The following DYSF variants were observed in gnomAD, a reference collection of about 807,000 sequenced individuals.
The protein encoded by DYSF is dysferlin.
Under a neutral mutation model 274.9 loss-of-function variants are expected in DYSF, and 212 were observed. The observed-to-expected ratio is 0.77, with a 90% confidence interval of 0.69 to 0.86. DYSF has a LOEUF of 0.86. Among genes scored for constraint, DYSF ranks in the 40% least tolerant of loss-of-function variants. The probability of loss-of-function intolerance (pLI) is 0.00; values close to 1 mark genes in which losing one functional copy is unlikely to be tolerated. For synonymous variants in DYSF, 1,091 were observed against 1,078.7 expected, an observed-to-expected ratio of 1.01 and a Z score of -0.22; for missense variants, 2,666 against 2,783.2, an observed-to-expected ratio of 0.96 and a Z score of 0.95.
At chr2:71,535,935 C>T (rs775961596) in intron 16 of DYSF, among the ~76,000 whole-genome samples, 25 of 152,272 alleles carry the variant, frequency 1.6e-4, no homozygotes, top group Middle Eastern at 6.8e-3. Context: ...ATCAACTCAC[C>T]GACATCAGTT....
chr2:71,579,672 C>G (rs1485937341), intron 30 of DYSF, among the ~76,000 whole-genome samples: 1 of 152,192 alleles, frequency 6.6e-6, no homozygotes, highest in Non-Finnish European at 1.5e-5. Flanking sequence ...GTTGGGGAGA[C>G]TGAGGCTCTA....
chr2:71,537,218 GTTTTGTTTTTTTT>G (rs1046686510), intron 16 of DYSF, among the ~76,000 whole-genome samples: 2 of 47,704 alleles, frequency 4.2e-5, no homozygotes, highest in African/African-American at 6.3e-5. Flanking sequence ...TTACTTTCTA[GTTTTGTTTTTTTT>G]TTTTTTTTTT....
intron 14 of DYSF, among the ~76,000 whole-genome samples, chr2:71,532,014 C>G (rs1053327650): frequency 6.6e-6 from 1 of 152,048 alleles, no homozygotes; most frequent in Non-Finnish European, 1.5e-5. Flanking sequence ...TCATGGTGAC[C>G]TTATAGATCA....
At chr2:71,504,985 T>C (rs1573577526) in intron 4 of DYSF, among the ~76,000 whole-genome samples, 1 of 152,140 alleles carries the variant, frequency 6.6e-6, no homozygotes, top group Admixed American at 6.5e-5. Context: ...ACCAACCGTG[T>C]CTCCAAAAAG....
At chr2:71,661,156 C>G (rs2094874273) in intron 45 of DYSF, among the ~76,000 whole-genome samples, 1 of 146,208 alleles carries the variant, frequency 6.8e-6, no homozygotes, top group African/African-American at 2.5e-5. Context: ...AAGTAGAAAT[C>G]TGTGTGTAAG....
intron 41 of DYSF, among the ~76,000 whole-genome samples, chr2:71,632,201 G>A (rs2094326427): frequency 1.3e-5 from 2 of 152,182 alleles, no homozygotes; most frequent in Admixed American, 1.3e-4. Flanking sequence ...CTTGGAAGTT[G>A]GTACAGCGCT....
At chr2:71,598,800 G>T in intron 33 of DYSF, 55 bp downstream of exon 33, 2 of 1,596,698 alleles carry the variant, frequency 1.3e-6, no homozygotes, top group Non-Finnish European at 8.5e-7. Flanking sequence ...CATGTGCAAA[G>T]GTGGGGTCTC....
chr2:71,574,077 G>A, intron 29 of DYSF, 121 bp from the exon 30 acceptor site: 2 of 1,261,200 alleles, frequency 1.6e-6, no homozygotes, highest in Non-Finnish European at 2.2e-6. Flanking sequence ...CACCTGGAGG[G>A]CACTAGTGTG....
chr2:71,681,365 A>T (rs1358928112), intron 54 of DYSF, among the ~76,000 whole-genome samples: 3 of 152,212 alleles, frequency 2.0e-5, no homozygotes, highest in Admixed American at 6.5e-5. Flanking sequence ...ATGCTATCCT[A>T]TGCATGTGTA....
At chr2:71,552,110 C>T (rs143650425) in intron 19 of DYSF, among the ~76,000 whole-genome samples, 1 of 152,292 alleles carries the variant, frequency 6.6e-6, no homozygotes, top group African/African-American at 2.4e-5. Context: ...GAGGTGGCTG[C>T]TGTTATTATT....
chr2:71,494,546 G>T (rs940201740), intron 3 of DYSF, among the ~76,000 whole-genome samples: 8 of 152,194 alleles, frequency 5.3e-5, no homozygotes, highest in Non-Finnish European at 7.3e-5. Context: ...GGTATGAGCT[G>T]ATTTTCATCT....
intron 41 of DYSF, among the ~76,000 whole-genome samples, chr2:71,636,160 G>A (rs1409380856): frequency 1.3e-5 from 2 of 152,156 alleles, no homozygotes; most frequent in African/African-American, 4.8e-5. Context: ...GTGAGGGCTC[G>A]ATCACAAGCG....
At position 71,468,609 on chromosome 2, in the gene DYSF, C is replaced by T. The variant is rs557212792; in HGVS notation, c.91+1676C>T. Among the ~76,000 whole-genome samples the T allele has an allele frequency of 7.2e-5, 11 of 152,252 alleles. No individual in the cohort carries two copies. In the East Asian group the frequency reaches 1.7e-3, roughly 24 times the overall value. Reference sequence around the variant, plus strand: ...TATTTATTTGCACTGATGATCTCCTCGGAAAACAGAAATACCATACAATAG... The same window carrying T: ...TATTTATTTGCACTGATGATCTCCTTGGAAAACAGAAATACCATACAATAG... On this transcript the variant is annotated intron_variant, in intron 1 of 55. Coordinates refer to ENST00000410020, the MANE Select transcript of DYSF (RefSeq NM_001130987.2).
intron 36 of DYSF, among the ~76,000 whole-genome samples, chr2:71,606,076 G>T (rs1350570336): frequency 6.6e-6 from 1 of 152,146 alleles, no homozygotes; most frequent in African/African-American, 2.4e-5. Flanking sequence ...CACTTCCCTT[G>T]CCCTGGGAGC....
intron 50 of DYSF, 21 bp from the exon 51 acceptor site, chr2:71,669,584 T>G (rs1354001633): frequency 6.2e-7 from 1 of 1,614,208 alleles, no homozygotes; most frequent in South Asian, 1.1e-5. Flanking sequence ...AGAACTATTC[T>G]CTAAAAACAT....
intron 1 of DYSF, among the ~76,000 whole-genome samples, chr2:71,456,394 G>T (rs1274570634): frequency 1.3e-5 from 2 of 151,766 alleles, no homozygotes; most frequent in African/African-American, 4.8e-5. Context: ...GTCCAAATTT[G>T]GCCTCCCTGT....
chr2:71,468,774 AG>A (rs1190684006), intron 1 of DYSF, among the ~76,000 whole-genome samples: 6 of 152,170 alleles, frequency 3.9e-5, no homozygotes, highest in African/African-American at 1.4e-4. Flanking sequence ...GCACCTTGCT[AG>A]GGATGCTAGC....
chr2:71,513,105 C>T (rs1271968283), intron 5 of DYSF, 135 bp from the exon 6 acceptor site: 2 of 828,502 alleles, frequency 2.4e-6, no homozygotes, highest in Non-Finnish European at 4.1e-6. Context: ...CTGGGCTCCA[C>T]AGCTATTTCT....
At chr2:71,502,079 CTG>C (rs71402986) in intron 3 of DYSF, among the ~76,000 whole-genome samples, 13,173 of 143,660 alleles carry the variant, frequency 0.092, 599 homozygotes, top group African/African-American at 0.13. Context: ...CTCCATGACT[CTG>C]TGTGTGTGTG....
Sources: allele counts gnomAD v4.1 joint callset (sites outside exome capture counted in the v4.1 genomes callset), GRCh38; gene constraint gnomAD v4.1.1; transcripts MANE v1.5; gene names NCBI Gene and HGNC (gene_info 2026-07-23, HGNC 2026-07-21).